The following R3HDM2 variants were observed in gnomAD, a reference collection of about 807,000 sequenced individuals.
The protein encoded by R3HDM2 is R3H domain containing 2.
R3HDM2 carries 38 observed loss-of-function variants against 124.5 expected under a neutral mutation model. The observed-to-expected ratio is 0.31, with a 90% confidence interval of 0.24 to 0.40. The LOEUF (loss-of-function observed/expected upper bound fraction) is 0.40. Ranked by LOEUF, R3HDM2 falls within the 10% of genes least tolerant of loss-of-function variation. The pLI, the probability that R3HDM2 is intolerant of heterozygous loss-of-function variation, is 1.00. For synonymous variants in R3HDM2, 391 were observed against 448.0 expected, an observed-to-expected ratio of 0.87 and a Z score of 1.61; for missense variants, 869 against 1,236.9, an observed-to-expected ratio of 0.70 and a Z score of 4.46.
intron 11 of R3HDM2, among the ~76,000 whole-genome samples, chr12:57,291,166 G>C (rs1378941099): frequency 6.6e-6 from 1 of 152,126 alleles, no homozygotes; most frequent in Non-Finnish European, 1.5e-5. Flanking sequence ...CTGTATATCA[G>C]TTCCCAGTGA....
At chr12:57,336,082 G>A (rs61937621) in intron 2 of R3HDM2, among the ~76,000 whole-genome samples, 1 of 151,170 alleles carries the variant, frequency 6.6e-6, no homozygotes, top group African/African-American at 2.4e-5. Context: ...ATCTCATTGT[G>A]GGTTTTTTTT....
chr12:57,431,020 C>G lies in R3HDM2; in HGVS notation c.-406G>C, dbSNP rs1309656867. 16 of 152,462 alleles carry G rather than the reference C, an allele frequency of 1.0e-4. No homozygotes were observed. Among genetic ancestry groups the G allele is most frequent in the Admixed American group, 7.2e-4 (11 of 15,288 alleles). 9.4% of individuals were successfully genotyped at this position (152,462 alleles called of 1,614,324 possible). ...GAAGAAAAGCCCAGAGTCCGCCCCC[C>G]GCTGCGGCTGCGCGCTACGTCACTA... is the stretch of plus-strand genomic sequence containing the variant. On this transcript the variant is annotated 5_prime_UTR_variant, in exon 1 of 24. Coordinates refer to ENST00000402412, the MANE Select transcript of R3HDM2 (RefSeq NM_001394031.1).
At chr12:57,290,864 G>A (rs533431561) in intron 11 of R3HDM2, among the ~76,000 whole-genome samples, 12 of 152,160 alleles carry the variant, frequency 7.9e-5, no homozygotes, top group East Asian at 3.9e-4. Flanking sequence ...CACCTGCCTC[G>A]GCCTCCCAGA....
intron 2 of R3HDM2, among the ~76,000 whole-genome samples, chr12:57,391,698 A>T (rs2066703001): frequency 6.6e-6 from 1 of 152,258 alleles, no homozygotes; most frequent in Non-Finnish European, 1.5e-5. Flanking sequence ...CACTGAGTAA[A>T]AGGACATCAT....
intron 1 of R3HDM2, among the ~76,000 whole-genome samples, chr12:57,427,290 C>CA (rs199765563): frequency 1.4e-3 from 190 of 135,000 alleles, no homozygotes; most frequent in African/African-American, 4.2e-3. Context: ...GGTTCTGTCT[C>CA]AAAAAAAATA....
chr12:57,426,524 T>G (rs1428806635), intron 1 of R3HDM2, among the ~76,000 whole-genome samples: 2 of 152,204 alleles, frequency 1.3e-5, no homozygotes, highest in Non-Finnish European at 2.9e-5. Flanking sequence ...ATCTTCAGGC[T>G]ACTGAAAACT....
intron 1 of R3HDM2, among the ~76,000 whole-genome samples, chr12:57,399,744 C>T (rs1316221970): frequency 3.3e-5 from 5 of 152,276 alleles, no homozygotes; most frequent in East Asian, 3.9e-4. Flanking sequence ...AGCCACATGC[C>T]ACTTCTAATG....
intron 1 of R3HDM2, among the ~76,000 whole-genome samples, chr12:57,417,332 T>C (rs543402655): frequency 2.0e-4 from 27 of 132,796 alleles, no homozygotes; most frequent in Non-Finnish European, 3.6e-4. Context: ...TTGCAGTGAG[T>C]AGAAATCCCG....
At chr12:57,257,915 C>A in intron 21 of R3HDM2, 75 bp downstream of exon 21, 1 of 1,366,432 alleles carries the variant, frequency 7.3e-7, no homozygotes, top group South Asian at 2.1e-5. Context: ...TGTTGTTACT[C>A]TTTCAATCTC....
chr12:57,426,429 A>T (rs1275173898), intron 1 of R3HDM2, among the ~76,000 whole-genome samples: 5 of 152,148 alleles, frequency 3.3e-5, no homozygotes, highest in Non-Finnish European at 5.9e-5. Context: ...CTATTCTTAA[A>T]GTTTTTAAGC....
intron 19 of R3HDM2, among the ~76,000 whole-genome samples, chr12:57,260,902 G>A (rs1418099406): frequency 6.6e-6 from 1 of 152,186 alleles, no homozygotes; most frequent in East Asian, 1.9e-4. Context: ...GGAGGTCTAA[G>A]AGAAGCTCAG....
intron 2 of R3HDM2, among the ~76,000 whole-genome samples, chr12:57,377,652 G>A (rs530053588): frequency 6.6e-6 from 1 of 152,248 alleles, no homozygotes; most frequent in East Asian, 1.9e-4. Context: ...GTATTGGCTT[G>A]TAGTGCATTG....
chr12:57,392,883 C>T (rs2066920889), intron 2 of R3HDM2, among the ~76,000 whole-genome samples: 1 of 150,848 alleles, frequency 6.6e-6, no homozygotes, highest in African/African-American at 2.4e-5. Flanking sequence ...TGGCTCACCG[C>T]AAGCTCCACC....
At chr12:57,407,534 T>C (rs1286754131) in intron 1 of R3HDM2, among the ~76,000 whole-genome samples, 2 of 151,044 alleles carry the variant, frequency 1.3e-5, no homozygotes, top group Non-Finnish European at 3.0e-5. Context: ...GCCTCCCGAG[T>C]AGCTGGAATT....
At chr12:57,390,437 T>C (rs2066491436) in intron 2 of R3HDM2, among the ~76,000 whole-genome samples, 1 of 152,034 alleles carries the variant, frequency 6.6e-6, no homozygotes, top group Non-Finnish European at 1.5e-5. Flanking sequence ...GTGGCTCACA[T>C]CTGAAATCCC....
chr12:57,335,965 C>T (rs951152538), intron 2 of R3HDM2, among the ~76,000 whole-genome samples: 11 of 151,868 alleles, frequency 7.2e-5, no homozygotes, highest in African/African-American at 2.7e-4. Flanking sequence ...AGAAGACATA[C>T]ATGCAGACAA....
chr12:57,260,283 A>AAAAAAAAAAAAAAAAAAAAAAC (rs2040419546), intron 19 of R3HDM2, among the ~76,000 whole-genome samples: 1 of 147,140 alleles, frequency 6.8e-6, no homozygotes, highest in African/African-American at 2.5e-5. Context: ...AAAAAAAAAA[A>AAAAAAAAAAAAAAAAAAAAAAC]AAGCCTGCTG....
intron 2 of R3HDM2, among the ~76,000 whole-genome samples, chr12:57,327,834 A>G (rs1197036558): frequency 6.6e-6 from 1 of 152,174 alleles, no homozygotes; most frequent in Non-Finnish European, 1.5e-5. Context: ...GATGAGCAAA[A>G]AAGTAGGTTC....
chr12:57,365,943 A>AC (rs1427629042), intron 2 of R3HDM2, among the ~76,000 whole-genome samples: 6 of 151,786 alleles, frequency 4.0e-5, no homozygotes, highest in African/African-American at 9.7e-5. Flanking sequence ...CTCAAAAAAA[A>AC]AAACAAAATA....
Sources: gnomAD v4.1 joint callset for allele counts (sites outside exome capture counted in the v4.1 genomes callset) on GRCh38, gnomAD v4.1.1 for gene constraint, MANE v1.5 for transcripts, NCBI Gene and HGNC (gene_info 2026-07-23, HGNC 2026-07-21) for gene names.